RDX: variants seen among roughly 807,000 people sequenced by gnomAD.
RDX encodes the protein deafness, autosomal recessive 24.
Under a neutral mutation model 83.7 loss-of-function variants are expected in RDX, and 32 were observed. That is an observed-to-expected ratio of 0.38 (90% CI 0.29 to 0.51). The LOEUF (loss-of-function observed/expected upper bound fraction) is 0.51, where lower values mean the gene tolerates loss of function less well. Among genes scored for constraint, RDX ranks in the 20% least tolerant of loss-of-function variants. RDX has a pLI of 0.87. For synonymous variants in RDX, 229 were observed against 222.7 expected (o/e 1.03, Z -0.25); for missense variants, 600 against 689.9 (o/e 0.87, Z 1.46).
chr11:110,289,979 A>AAAAAAAAAAAAAAAAAAAAAAAC (rs1555049799), intron 1 of RDX, among the ~76,000 whole-genome samples: 1 of 144,620 alleles, frequency 6.9e-6, no homozygotes, highest in African/African-American at 2.7e-5. Flanking sequence ...AAAAAAAAAA[A>AAAAAAAAAAAAAAAAAAAAAAAC]AAACAAGGGT....
At chr11:110,269,406 G>T (rs922856022) in intron 3 of RDX, among the ~76,000 whole-genome samples, 3 of 152,152 alleles carry the variant, frequency 2.0e-5, no homozygotes, top group African/African-American at 7.2e-5. Context: ...AAAAAAGTCA[G>T]CAAGAAGCAA....
intron 12 of RDX, 64 bp from the exon 13 acceptor site, chr11:110,233,543 T>A: frequency 6.5e-7 from 1 of 1,529,148 alleles, no homozygotes; most frequent in South Asian, 1.1e-5. Context: ...AACAATCAAG[T>A]TATACTCCCT....
intron 14 of RDX, among the ~76,000 whole-genome samples, chr11:110,205,907 A>G (rs1863585310): frequency 6.6e-6 from 1 of 152,214 alleles, no homozygotes; most frequent in South Asian, 2.1e-4. Context: ...GAAAACATGA[A>G]TAGAAGACAA....
intron 15 of RDX, among the ~76,000 whole-genome samples, chr11:110,188,809 T>C (rs1176094930): frequency 6.6e-6 from 1 of 152,080 alleles, no homozygotes; most frequent in Non-Finnish European, 1.5e-5. Flanking sequence ...CTAAGAGAAT[T>C]TTTTTACCAC....
chr11:110,272,537 T>C lies in RDX; in HGVS notation c.95A>G (p.Gln32Arg). 6.2e-7 allele frequency: 1 copy of C among 1,604,984 alleles called. No individual in the cohort carries two copies. The highest frequency in any genetic ancestry group is 1.8e-4 in the Middle Eastern group (1 of 5,526). ...PNTTGKQLFD[Q>R]VVKTVGLREV... ...TGCATATTTCATGCAGTGTAATACC[T>C]GGTCAAAAAGTTGTTTGCCAGTTGT... is the stretch of plus-strand genomic sequence containing the variant. The change falls in exon 3 of 14, where the codon CAG (glutamine) becomes CGG (arginine). Residue 32 changes from glutamine (Q) to arginine (R), a missense_variant and splice_region_variant. Transcript: ENST00000645495.
At chr11:110,225,893 A>AAAG (rs1245144381), downstream of RDX, among the ~76,000 whole-genome samples, 1 of 149,908 alleles carries the variant, frequency 6.7e-6, no homozygotes, top group Admixed American at 6.6e-5. Context: ...CTAAAAAAAA[A>AAAG]AAGAAGAAGA....
chr11:110,203,014 AC>A (rs1372093773), intron 14 of RDX, among the ~76,000 whole-genome samples: 1 of 151,958 alleles, frequency 6.6e-6, no homozygotes, highest in Non-Finnish European at 1.5e-5. Flanking sequence ...CTGTGTATAT[AC>A]CCCCCAAAAA....
chr11:110,187,817 A>C (rs568905360), intron 15 of RDX, among the ~76,000 whole-genome samples: 5 of 152,364 alleles, frequency 3.3e-5, no homozygotes, highest in African/African-American at 1.2e-4. Flanking sequence ...TGCACAGATC[A>C]ACCCATTGCC....
chr11:110,231,595 C>T lies in RDX; in HGVS notation c.*274G>A. On this transcript the variant is annotated 3_prime_UTR_variant, in exon 14 of 14. Coordinates refer to ENST00000645495, the MANE Select transcript of RDX (RefSeq NM_002906.4). ...AGACGTGATAATTAGTGTTAATCTT[C>T]AACAGAAAAAAAAAAGAAAAAGAAA... 2.2e-6 allele frequency: 1 copy of T among 461,302 alleles called. No individual in the cohort carries two copies. 28.6% of individuals were successfully genotyped at this position (461,302 alleles called of 1,614,324 possible).
intron 3 of RDX, among the ~76,000 whole-genome samples, chr11:110,271,649 C>T (rs1213488016): frequency 6.6e-6 from 1 of 152,132 alleles, no homozygotes; most frequent in Non-Finnish European, 1.5e-5. Flanking sequence ...CAAGCACTGT[C>T]TCCTTTCCCT....
At chr11:110,292,278 G>T (rs552947696) in intron 1 of RDX, among the ~76,000 whole-genome samples, 53 of 151,296 alleles carry the variant, frequency 3.5e-4, no homozygotes, top group Non-Finnish European at 5.2e-4. Context: ...GGGCAACAGA[G>T]CGAGACCCTG....
At chr11:110,202,802 G>C (rs1050440019) in intron 14 of RDX, among the ~76,000 whole-genome samples, 4 of 151,964 alleles carry the variant, frequency 2.6e-5, no homozygotes, top group Non-Finnish European at 4.4e-5. Context: ...TTGAGCATCA[G>C]AGAAATGCAA....
intron 3 of RDX, among the ~76,000 whole-genome samples, chr11:110,268,706 G>T (rs1019763146): frequency 1.3e-5 from 2 of 151,742 alleles, no homozygotes; most frequent in Admixed American, 6.6e-5. Context: ...GCTCAGCTGT[G>T]AAATTCCCTA....
intron 3 of RDX, among the ~76,000 whole-genome samples, chr11:110,267,525 C>T (rs1004147338): frequency 7.4e-6 from 1 of 134,346 alleles, no homozygotes; most frequent in Non-Finnish European, 1.6e-5. Context: ...AACACACACA[C>T]ACACACACAC....
At chr11:110,261,108 G>GTA (rs1859787050) in intron 5 of RDX, among the ~76,000 whole-genome samples, 1 of 151,926 alleles carries the variant, frequency 6.6e-6, no homozygotes. Flanking sequence ...TCCCAAAACT[G>GTA]TATCTATAGT....
chr11:110,208,943 C>CA (rs1863707099), intron 14 of RDX, among the ~76,000 whole-genome samples: 1 of 152,164 alleles, frequency 6.6e-6, no homozygotes, highest in African/African-American at 2.4e-5. Flanking sequence ...GCAACAAGAG[C>CA]AAAACTCTGT....
At chr11:110,206,374 C>A (rs1208378778) in intron 14 of RDX, among the ~76,000 whole-genome samples, 2 of 151,412 alleles carry the variant, frequency 1.3e-5, no homozygotes, top group Non-Finnish European at 2.9e-5. Flanking sequence ...CAGCTATATT[C>A]ATCAAAATGG....
intron 1 of RDX, among the ~76,000 whole-genome samples, chr11:110,290,671 A>T (rs577189057): frequency 6.6e-6 from 1 of 152,230 alleles, no homozygotes; most frequent in Non-Finnish European, 1.5e-5. Context: ...TGACATCTTA[A>T]AGCAGTGGTC....
chr11:110,287,420 C>G (rs974424561), intron 1 of RDX, among the ~76,000 whole-genome samples: 4 of 152,168 alleles, frequency 2.6e-5, no homozygotes, highest in African/African-American at 9.7e-5. Context: ...GTTGTCTATA[C>G]TCATAACAAG....
Sources: allele counts gnomAD v4.1 joint callset (sites outside exome capture counted in the v4.1 genomes callset), GRCh38; gene constraint gnomAD v4.1.1; transcripts MANE v1.5; gene names NCBI Gene and HGNC (gene_info 2026-07-23, HGNC 2026-07-21).